CLEC2B: variants seen among roughly 807,000 people sequenced by gnomAD.
CLEC2B encodes C-type lectin domain family 2 member B.
CLEC2B carries 14 observed loss-of-function variants against 16.2 expected under a neutral mutation model. The observed-to-expected ratio is 0.86, with a 90% CI of 0.57 to 1.35. The LOEUF (loss-of-function observed/expected upper bound fraction) is 1.35. CLEC2B is among the 40% of genes most tolerant of loss of function. CLEC2B has a pLI of 0.00. For missense variants in CLEC2B, 166 were observed against 182.3 expected, an observed-to-expected ratio of 0.91 and a Z score of 0.52; for synonymous variants, 42 against 55.8, an observed-to-expected ratio of 0.75 and a Z score of 1.10.
rs1385926201 is a variant in CLEC2B, at chr12:9,852,638, C to A, written c.*662G>T. Among the ~76,000 whole-genome samples, 1 of 152,116 alleles carries A rather than the reference C, an allele frequency of 6.6e-6. No homozygotes were observed. ...TTTTAGTTGCATATGACAAGAATGACCCCATTTGTTTGATCAACTTGTACA... is the reference window on the plus strand; with the variant it reads ...TTTTAGTTGCATATGACAAGAATGAACCCATTTGTTTGATCAACTTGTACA... On this transcript the variant is annotated 3_prime_UTR_variant, in exon 5 of 5. Coordinates refer to ENST00000228438, the MANE Select transcript of CLEC2B (RefSeq NM_005127.3).
At chr12:9,865,180 C>CAAAA (rs56774558) in intron 1 of CLEC2B, among the ~76,000 whole-genome samples, 1 of 99,100 alleles carries the variant, frequency 1.0e-5, no homozygotes, top group Non-Finnish European at 2.0e-5. Context: ...AAGACTCTCT[C>CAAAA]AAAAAAAAAA....
At chr12:9,865,762 A>G (rs1487851410) in intron 1 of CLEC2B, among the ~76,000 whole-genome samples, 3 of 152,176 alleles carry the variant, frequency 2.0e-5, no homozygotes, top group Non-Finnish European at 4.4e-5. Context: ...AGGCCAAAAA[A>G]CAAGTCTCAA....
chr12:9,869,330 C>G lies in CLEC2B; in HGVS notation c.-128G>C, dbSNP rs1867996861. ...AAAAATGTTACTCTTGTTTTTACAG[C>G]ACAGCTCCAAACTAGAGGTATACCA... On this transcript the variant is annotated 5_prime_UTR_variant, in exon 1 of 5. Coordinates refer to ENST00000228438, the MANE Select transcript of CLEC2B (RefSeq NM_005127.3). 1 of 152,120 alleles carries G rather than the reference C, an allele frequency of 6.6e-6. No individual in the cohort carries two copies. Among genetic ancestry groups the G allele is most frequent in the Non-Finnish European group, 1.5e-5 (1 of 68,002 alleles). The allele number at this position is 152,120 out of a possible 1,614,324, so 9.4% of individuals were successfully genotyped here.
At chr12:9,857,957 T>C (rs1280346472) in intron 2 of CLEC2B, among the ~76,000 whole-genome samples, 1 of 152,100 alleles carries the variant, frequency 6.6e-6, no homozygotes, top group African/African-American at 2.4e-5. Flanking sequence ...ATCCTAGCAT[T>C]ACCTAAGAGT....
rs1242188211 is a variant in CLEC2B at position 9,867,518 on chromosome 12, C to T, written c.-3+1687G>A. On this transcript the variant is annotated intron_variant, in intron 1 of 4. Coordinates refer to ENST00000228438, the MANE Select transcript of CLEC2B (RefSeq NM_005127.3). The stretch of plus-strand genomic sequence containing the variant: ...TTTCATTGTTACTGAATTCTCAATA[C>T]TTATTTAGGAGGCTGTAATTATTTA... 2.6e-5 allele frequency among the ~76,000 whole-genome samples: 4 copies of T among 152,094 alleles called. 1 individual carries two copies. The highest frequency in any genetic ancestry group is 4.8e-5 in the African/African-American group (2 of 41,502).
chr12:9,857,582 T>G lies in CLEC2B; in HGVS notation c.129A>C (p.Gln43His). Residue 43 changes from glutamine to histidine, a missense_variant, in exon 3 of 5, where the codon CAA (glutamine) becomes CAC (histidine). By Grantham distance (24) the Gln-to-His change is conservative. Transcript: ENST00000228438. ...SLCPYDWIGF[Q>H]NKCYYFSKEE... is the part of the protein sequence containing the mutation. ...CTTTAGAGAAATAATAGCATTTGTT[T>G]TGGAAACCAATCCAATCATAGGGGC... The G allele has an allele frequency of 1.2e-6, 2 of 1,611,788 alleles. No homozygotes were observed. Among genetic ancestry groups the G allele is most frequent in the Non-Finnish European group, 1.7e-6 (2 of 1,178,390 alleles).
chr12:9,866,832 G>C (rs1192165744), intron 1 of CLEC2B, among the ~76,000 whole-genome samples: 1 of 152,084 alleles, frequency 6.6e-6, no homozygotes, highest in Non-Finnish European at 1.5e-5. Context: ...ATTTTAAAAA[G>C]AGGAAATAAC....
At chr12:9,863,580 A>G (rs912275649) in intron 1 of CLEC2B, among the ~76,000 whole-genome samples, 28 of 152,214 alleles carry the variant, frequency 1.8e-4, no homozygotes, top group African/African-American at 6.8e-4. Context: ...GAAATATATC[A>G]GAGGAATTTA....
chr12:9,861,317 A>T (rs1867930861), intron 2 of CLEC2B, among the ~76,000 whole-genome samples: 1 of 152,066 alleles, frequency 6.6e-6, no homozygotes, highest in Non-Finnish European at 1.5e-5. Context: ...AACAACAATT[A>T]TGAAGGTACT....
intron 1 of CLEC2B, 51 bp downstream of exon 1, chr12:9,869,154 T>C (rs1201149561): frequency 6.6e-6 from 1 of 152,162 alleles, no homozygotes; most frequent in African/African-American, 2.4e-5. Flanking sequence ...ACATTCTGCA[T>C]CACAATTTCA....
Position 9,853,411 on chromosome 12 carries a change from G to A in CLEC2B, c.342-3C>T, listed in dbSNP as rs368697326. 2.0e-5 allele frequency: 32 copies of A among 1,609,028 alleles called. No homozygotes were observed. Among genetic ancestry groups the A allele is most frequent in the Admixed American group, 1.2e-4 (7 of 59,978 alleles). On this transcript the variant is annotated splice_region_variant and splice_polypyrimidine_tract_variant and intron_variant, in intron 4 of 4. Transcript: ENST00000228438. ...CTTCACTCCCTCTCATGCCAAACCT[G>A]CAACAAAGGGATTAACCATTATGTA...
intron 3 of CLEC2B, among the ~76,000 whole-genome samples, chr12:9,855,374 A>T (rs1420181165): frequency 1.3e-5 from 2 of 152,120 alleles, no homozygotes; most frequent in Non-Finnish European, 2.9e-5. Flanking sequence ...GGCTTTACAA[A>T]TAAACAGATT....
chr12:9,862,412 A>C (rs1485567920), intron 2 of CLEC2B, 87 bp downstream of exon 2: 1 of 1,165,450 alleles, frequency 8.6e-7, no homozygotes. Context: ...AGATAATGAG[A>C]TACTGAGAAA....
At chr12:9,859,703 G>A (rs192077476) in intron 2 of CLEC2B, among the ~76,000 whole-genome samples, 69 of 151,860 alleles carry the variant, frequency 4.5e-4, no homozygotes, top group Non-Finnish European at 2.5e-4. Flanking sequence ...CCAAATTTTA[G>A]AAGCCATCAT....
chr12:9,865,756 CAAAAAACAAGTCTCAATAAATT>C (rs1371122320), intron 1 of CLEC2B, among the ~76,000 whole-genome samples: 1 of 151,860 alleles, frequency 6.6e-6, no homozygotes, highest in African/African-American at 2.4e-5. Context: ...CATTGTAGGC[CAAAAAACAAGTCTCAATAAATT>C]AAAAAAAGTA....
At chr12:9,857,080 A>G (rs1410714347) in intron 3 of CLEC2B, 2 of 168,202 alleles carry the variant, frequency 1.2e-5, no homozygotes, top group Admixed American at 1.2e-4. Context: ...CTGCCACGGG[A>G]CCTCAGAGAC....
intron 2 of CLEC2B, among the ~76,000 whole-genome samples, chr12:9,861,516 G>T (rs1166708539): frequency 6.6e-6 from 1 of 152,084 alleles, no homozygotes; most frequent in African/African-American, 2.4e-5. Flanking sequence ...GCTAATCTAT[G>T]CGTATTCTGT....
At chr12:9,862,465 A>T in intron 2 of CLEC2B, 34 bp downstream of exon 2, 1 of 1,422,314 alleles carries the variant, frequency 7.0e-7, no homozygotes, top group Non-Finnish European at 9.4e-7. Flanking sequence ...ACACATAGAA[A>T]GCCATGAAAA....
intron 3 of CLEC2B, chr12:9,857,150 A>G (rs375222918): frequency 3.5e-4 from 65 of 187,908 alleles, no homozygotes; most frequent in African/African-American, 1.5e-3. Flanking sequence ...TAGAATGCAG[A>G]ATCCCCTCCT....
Sources: allele counts gnomAD v4.1 joint callset (sites outside exome capture counted in the v4.1 genomes callset), GRCh38; gene constraint gnomAD v4.1.1; transcripts MANE v1.5; gene names NCBI Gene and HGNC (gene_info 2026-07-23, HGNC 2026-07-21).